The following NDST1 variants were observed in gnomAD, a reference collection of about 807,000 sequenced individuals.
The protein encoded by NDST1 is bifunctional heparan sulfate N-deacetylase/N-sulfotransferase 1.
In NDST1, 35 loss-of-function variants were observed where a neutral mutation model predicts 92.8. The ratio of observed to expected loss-of-function variants is 0.38; its 90% CI spans 0.29 to 0.50. The LOEUF is 0.50. Among genes scored for constraint, NDST1 ranks in the 20% least tolerant of loss-of-function variants. The pLI is 0.94. For missense variants in NDST1, 822 were observed against 1,182.7 expected (o/e 0.69, Z 4.47); for synonymous variants, 493 against 500.3 (o/e 0.99, Z 0.19).
rs146487308 is a variant in NDST1, at chr5:150,552,519, G to A, written c.2529+664G>A. 37 of 169,178 alleles carry A rather than the reference G, an allele frequency of 2.2e-4. No individual in the cohort carries two copies. In the East Asian group the frequency reaches 5.6e-3, roughly 26 times the overall value. The allele number at this position is 169,178 out of a possible 1,614,324, so 10.5% of individuals were successfully genotyped here. On this transcript the variant is annotated intron_variant, in intron 14 of 14. Transcript: ENST00000261797. ...TGTTTTGTTTTTGAGACAGGGTCTC[G>A]TTCTGTTGCCTAGGCTGGAGTGCAG...
At chr5:150,513,131 GGCT>G (rs1561589595) in intron 1 of NDST1, among the ~76,000 whole-genome samples, 1 of 151,964 alleles carries the variant, frequency 6.6e-6, no homozygotes, top group East Asian at 1.9e-4. Context: ...GGGAAGTTGA[GGCT>G]GCAGTAAGTG....
At chr5:150,535,164 C>T (rs1581390070) in intron 5 of NDST1, 143 bp downstream of exon 5, 1 of 1,336,408 alleles carries the variant, frequency 7.5e-7, no homozygotes, top group Non-Finnish European at 1.0e-6. Context: ...GGAGAGCTGC[C>T]TTTATAGCCA....
intron 1 of NDST1, among the ~76,000 whole-genome samples, 168 bp downstream of exon 1, chr5:150,508,394 G>C (rs1169265531): frequency 6.6e-6 from 1 of 152,120 alleles, no homozygotes; most frequent in Admixed American, 6.6e-5. Context: ...ACTTGAGCCT[G>C]GCACTGGGTC....
In NDST1 at chr5:150,545,468, G is replaced by A; in HGVS notation, c.2127G>A (p.Arg709=). ...VLTILINPAD[R]AYSWYQHQRA... ...CCATCCTCATCAACCCCGCGGACCGGGCCTATTCCTGGTACCAGGTGAGTG... is the reference window on the plus strand; with the variant it reads ...CCATCCTCATCAACCCCGCGGACCGAGCCTATTCCTGGTACCAGGTGAGTG... Residue 709 remains arginine (R), a synonymous_variant, in exon 11 of 15, where the codon CGG becomes CGA. Coordinates refer to ENST00000261797, the MANE Select transcript of NDST1 (RefSeq NM_001543.5). The A allele has an allele frequency of 1.2e-6, 2 of 1,614,256 alleles. No individual in the cohort carries two copies. Among genetic ancestry groups the A allele is most frequent in the South Asian group, 1.1e-5 (1 of 91,090 alleles).
chr5:150,526,958 G>A (rs3797620), intron 2 of NDST1, among the ~76,000 whole-genome samples: 49,300 of 152,188 alleles, frequency 0.32, 9,058 homozygotes, highest in Non-Finnish European at 0.41. Flanking sequence ...ACTGATGGCA[G>A]TGACCGGGCA....
intron 11 of NDST1, among the ~76,000 whole-genome samples, chr5:150,547,094 AG>A (rs1755521647): frequency 6.6e-6 from 1 of 152,238 alleles, no homozygotes; most frequent in Non-Finnish European, 1.5e-5. Context: ...TAGAAGGCAG[AG>A]GAGGGGTTTC....
chr5:150,538,649 G>A (rs1278327733), intron 6 of NDST1, among the ~76,000 whole-genome samples: 2 of 152,178 alleles, frequency 1.3e-5, no homozygotes, highest in Non-Finnish European at 2.9e-5. Context: ...GGGTAGGCAA[G>A]GTTTGTACAT....
At position 150,554,051 on chromosome 5, in the gene NDST1, T is replaced by G. The variant is rs971700386; in HGVS notation, c.*719T>G. On this transcript the variant is annotated 3_prime_UTR_variant, in exon 15 of 15. Transcript: ENST00000261797. ...CCCCTTTCTTCCCCCTGGGATATGA[T>G]GTGTGGTGTTTCCTGTGGTAAAAGA... 1 of 406,624 alleles carries G rather than the reference T, an allele frequency of 2.5e-6. No individual in the cohort carries two copies. Among genetic ancestry groups the G allele is most frequent in the Non-Finnish European group, 4.3e-6 (1 of 229,964 alleles). 25.2% of individuals were successfully genotyped at this position (406,624 alleles called of 1,614,324 possible).
intron 2 of NDST1, among the ~76,000 whole-genome samples, chr5:150,525,098 G>C (rs1754411671): frequency 6.6e-6 from 1 of 152,186 alleles, no homozygotes; most frequent in Non-Finnish European, 1.5e-5. Context: ...CCCTCTGCCT[G>C]GGGGACCCCA....
intron 7 of NDST1, 60 bp from the exon 8 acceptor site, chr5:150,540,022 C>A: frequency 6.3e-7 from 1 of 1,592,630 alleles, no homozygotes; most frequent in South Asian, 1.1e-5. Flanking sequence ...TCAGAGTTGG[C>A]GGTGAGGGTG....
At chr5:150,511,661 C>CGGT (rs1471795058) in intron 1 of NDST1, among the ~76,000 whole-genome samples, 1 of 152,048 alleles carries the variant, frequency 6.6e-6, no homozygotes, top group Non-Finnish European at 1.5e-5. Flanking sequence ...GTCTCTTTCC[C>CGGT]GGTGGTGGTG....
chr5:150,533,233 C>T (rs957263558), intron 4 of NDST1, among the ~76,000 whole-genome samples: 13 of 152,222 alleles, frequency 8.5e-5, no homozygotes, highest in Non-Finnish European at 1.2e-4. Flanking sequence ...ACAACAGCAG[C>T]GGCAGCAACA....
At chr5:150,528,621 T>G (rs147386079) in intron 3 of NDST1, among the ~76,000 whole-genome samples, 3,200 of 151,928 alleles carry the variant, frequency 0.021, 25 homozygotes, top group Non-Finnish European at 0.032. Flanking sequence ...CGAAACCCCA[T>G]CTCTACTAAA....
chr5:150,540,449 C>G (rs1047319056), intron 8 of NDST1, among the ~76,000 whole-genome samples, 185 bp downstream of exon 8: 1 of 152,192 alleles, frequency 6.6e-6, no homozygotes, highest in Admixed American at 6.5e-5. Flanking sequence ...CATGCATGCT[C>G]ATACATGTAC....
intron 6 of NDST1, among the ~76,000 whole-genome samples, chr5:150,538,371 G>T (rs1042544940): frequency 6.6e-6 from 1 of 152,208 alleles, no homozygotes; most frequent in African/African-American, 2.4e-5. Context: ...TCTGGCTGTT[G>T]TGTGGAGCAG....
At chr5:150,537,933 G>A (rs961455990) in intron 6 of NDST1, among the ~76,000 whole-genome samples, 4 of 152,130 alleles carry the variant, frequency 2.6e-5, no homozygotes, top group Non-Finnish European at 4.4e-5. Context: ...GCTGAATATC[G>A]GGGGTTGGTT....
At chr5:150,511,753 T>C (rs1205487748) in intron 1 of NDST1, among the ~76,000 whole-genome samples, 1 of 152,040 alleles carries the variant, frequency 6.6e-6, no homozygotes. Flanking sequence ...GGATGGGGCA[T>C]GTAGCAGATT....
chr5:150,507,010 C>T (rs535766629), upstream of NDST1, among the ~76,000 whole-genome samples: 2 of 152,364 alleles, frequency 1.3e-5, no homozygotes, highest in South Asian at 2.1e-4. Flanking sequence ...TTTTCAGTCT[C>T]TCCAAGGCTC....
chr5:150,507,223 A>G (rs1369795813), upstream of NDST1, among the ~76,000 whole-genome samples: 1 of 151,792 alleles, frequency 6.6e-6, no homozygotes, highest in Non-Finnish European at 1.5e-5. Flanking sequence ...GAGCCTGGAA[A>G]GCCAGCCCAA....
Sources: gnomAD v4.1 joint callset for allele counts (sites outside exome capture counted in the v4.1 genomes callset) on GRCh38, gnomAD v4.1.1 for gene constraint, MANE v1.5 for transcripts, NCBI Gene and HGNC (gene_info 2026-07-23, HGNC 2026-07-21) for gene names.